Variants in MYO16 observed in about 807,000 individuals in gnomAD.
MYO16 encodes the protein myosin XVI.
In MYO16, 94 loss-of-function variants were observed where a neutral mutation model predicts 205.3. That is an observed-to-expected ratio of 0.46 (90% confidence interval 0.39 to 0.54). The LOEUF (loss-of-function observed/expected upper bound fraction) is 0.54. Ranked by LOEUF, MYO16 falls within the 20% of genes least tolerant of loss-of-function variation. The probability of loss-of-function intolerance (pLI) is 0.00; values close to 1 mark genes in which losing one functional copy is unlikely to be tolerated. For synonymous variants in MYO16, 988 were observed against 954.0 expected (o/e 1.04, Z -0.66); for missense variants, 2,315 against 2,387.5 (o/e 0.97, Z 0.63).
the MYO16 span, among the ~76,000 whole-genome samples, chr13:108,581,075 T>A: frequency 2.4e-4 from 37 of 152,318 alleles, no homozygotes; most frequent in African/African-American, 8.7e-4. Context: ...TCAAATACAT[T>A]GAATGAATAC....
intron 20 of MYO16, among the ~76,000 whole-genome samples, chr13:108,988,384 C>T (rs982975041): frequency 4.6e-5 from 7 of 151,930 alleles, no homozygotes; most frequent in African/African-American, 7.3e-5. Context: ...TTGCAAAAGT[C>T]GTCCTTAAAA....
intron 34 of MYO16, among the ~76,000 whole-genome samples, chr13:109,184,771 C>T (rs1879613372): frequency 7.0e-6 from 1 of 143,338 alleles, no homozygotes; most frequent in African/African-American, 2.5e-5. Context: ...TAATTTTTTT[C>T]TTTTTTTTTT....
At chr13:108,883,428 G>T (rs1879714112) in intron 13 of MYO16, among the ~76,000 whole-genome samples, 1 of 152,132 alleles carries the variant, frequency 6.6e-6, no homozygotes, top group Non-Finnish European at 1.5e-5. Context: ...TCCTTTTGAA[G>T]ATTTAAAGCT....
At chr13:108,768,706 A>G (rs546592499) in intron 4 of MYO16, among the ~76,000 whole-genome samples, 1 of 152,312 alleles carries the variant, frequency 6.6e-6, no homozygotes, top group South Asian at 2.1e-4. Flanking sequence ...GATGCATTTG[A>G]TGAGCATATT....
chr13:108,546,217 T>C, the MYO16 span, among the ~76,000 whole-genome samples: 5 of 152,278 alleles, frequency 3.3e-5, no homozygotes, highest in East Asian at 9.7e-4. Flanking sequence ...GACTGGGGTT[T>C]CCAGAGACGT....
intron 3 of MYO16, among the ~76,000 whole-genome samples, chr13:108,721,347 T>C (rs1300376065): frequency 1.3e-5 from 2 of 152,202 alleles, no homozygotes; most frequent in Admixed American, 1.3e-4. Flanking sequence ...GAATTTAATA[T>C]TTCAGAGTGA....
chr13:108,870,465 TTCTC>T (rs1878996567), intron 12 of MYO16, among the ~76,000 whole-genome samples: 1 of 152,088 alleles, frequency 6.6e-6, no homozygotes, highest in African/African-American at 2.4e-5. Flanking sequence ...TTGGTGGTGT[TTCTC>T]TCTTAAATGT....
chr13:108,798,715 T>TA (rs1886873738), intron 6 of MYO16, among the ~76,000 whole-genome samples: 1 of 113,064 alleles, frequency 8.8e-6, no homozygotes, highest in Non-Finnish European at 1.9e-5. Context: ...TTTTTTTTTT[T>TA]TGAGATGGAG....
intron 27 of MYO16, among the ~76,000 whole-genome samples, chr13:109,079,861 A>G (rs1432631635): frequency 2.0e-5 from 3 of 146,482 alleles, no homozygotes; most frequent in East Asian, 4.1e-4. Flanking sequence ...TTGTTTGAAC[A>G]CTTTTATTTC....
chr13:109,095,024 T>TGCTC (rs1888735284), intron 27 of MYO16, among the ~76,000 whole-genome samples: 1 of 152,212 alleles, frequency 6.6e-6, no homozygotes, highest in Admixed American at 6.5e-5. Context: ...ACAGACTTTG[T>TGCTC]GCTCAGTCAA....
At chr13:108,753,394 A>G (rs1361592756) in intron 4 of MYO16, among the ~76,000 whole-genome samples, 1 of 145,248 alleles carries the variant, frequency 6.9e-6, no homozygotes, top group East Asian at 2.0e-4. Context: ...AAAAAAAAAA[A>G]ACAATAAAAT....
intron 2 of MYO16, among the ~76,000 whole-genome samples, chr13:108,709,603 G>C (rs532439592): frequency 7.4e-6 from 1 of 135,010 alleles, no homozygotes; most frequent in Admixed American, 7.5e-5. Flanking sequence ...TTATACCAAA[G>C]ATGTTCAACA....
chr13:109,045,867 A>G (rs907681376), intron 23 of MYO16, among the ~76,000 whole-genome samples: 28 of 152,150 alleles, frequency 1.8e-4, no homozygotes, highest in African/African-American at 6.5e-4. Flanking sequence ...TCTAGACAAA[A>G]TTCCCAAAGA....
intron 12 of MYO16, among the ~76,000 whole-genome samples, chr13:108,871,595 C>T (rs1325716946): frequency 2.0e-5 from 3 of 152,130 alleles, no homozygotes; most frequent in Non-Finnish European, 1.5e-5. Context: ...GTTGAGCCCC[C>T]TTACGGGTCT....
intron 28 of MYO16, among the ~76,000 whole-genome samples, chr13:109,104,916 C>T (rs1004423068): frequency 1.3e-5 from 2 of 152,138 alleles, no homozygotes; most frequent in Admixed American, 1.3e-4. Flanking sequence ...CTGCTTTGTT[C>T]TCCTCCATGG....
chr13:108,526,219 A>G, the MYO16 span, among the ~76,000 whole-genome samples: 2 of 152,308 alleles, frequency 1.3e-5, no homozygotes, highest in East Asian at 3.9e-4. Context: ...TAGACTACGC[A>G]TGCATTTGCT....
intron 13 of MYO16, among the ~76,000 whole-genome samples, chr13:108,886,052 A>T (rs1218642556): frequency 6.6e-6 from 1 of 151,492 alleles, no homozygotes; most frequent in Admixed American, 6.6e-5. Flanking sequence ...CAGTGGCGCG[A>T]TCTGGGCTCA....
intron 16 of MYO16, among the ~76,000 whole-genome samples, chr13:108,916,768 G>T (rs1881511561): frequency 6.6e-6 from 1 of 152,176 alleles, no homozygotes; most frequent in Admixed American, 6.5e-5. Context: ...CCTGCCTTCT[G>T]TTCTTGATGT....
At chr13:109,200,951 T>G (rs1261830382) in intron 34 of MYO16, among the ~76,000 whole-genome samples, 1 of 152,108 alleles carries the variant, frequency 6.6e-6, no homozygotes, top group Non-Finnish European at 1.5e-5. Context: ...AGTTGTATGG[T>G]CTATCAAACA....
Sources: gnomAD v4.1 joint callset for allele counts (sites outside exome capture counted in the v4.1 genomes callset) on GRCh38, gnomAD v4.1.1 for gene constraint, MANE v1.5 for transcripts, NCBI Gene and HGNC (gene_info 2026-07-23, HGNC 2026-07-21) for gene names.